SCFD2: variants seen among roughly 807,000 people sequenced by gnomAD.
SCFD2 encodes sec1 family domain-containing protein 2.
In SCFD2, 54 loss-of-function variants were observed where a neutral mutation model predicts 58.9. That is an observed-to-expected ratio of 0.92 (90% CI 0.74 to 1.15). The LOEUF (loss-of-function observed/expected upper bound fraction) is 1.15. Ranked by LOEUF, SCFD2 falls within the 50% of genes most tolerant of loss-of-function variation. The pLI is 0.00. For missense variants in SCFD2, 805 were observed against 836.6 expected, an observed-to-expected ratio of 0.96 and a Z score of 0.47; for synonymous variants, 321 against 335.9, an observed-to-expected ratio of 0.96 and a Z score of 0.49.
At chr4:53,285,820 TTTGCTACCAGAGAACA>T (rs1731647551) in intron 3 of SCFD2, among the ~76,000 whole-genome samples, 1 of 152,044 alleles carries the variant, frequency 6.6e-6, no homozygotes, top group South Asian at 2.1e-4. Flanking sequence ...ATCTGCAATC[TTTGCTACCAGAGAACA>T]TTGCAGTCCT....
intron 5 of SCFD2, among the ~76,000 whole-genome samples, chr4:53,025,583 A>G (rs17082290): frequency 0.013 from 2,008 of 152,224 alleles, 40 homozygotes; most frequent in African/African-American, 0.046. Flanking sequence ...TTTCACTCTT[A>G]TGCCATCTCA....
intron 4 of SCFD2, among the ~76,000 whole-genome samples, chr4:53,190,628 GTCTA>G (rs1424908837): frequency 1.3e-5 from 2 of 151,796 alleles, no homozygotes; most frequent in South Asian, 2.1e-4. Context: ...TTTCTTCATC[GTCTA>G]TCTGTCTTCC....
intron 5 of SCFD2, among the ~76,000 whole-genome samples, chr4:53,088,756 A>G (rs1724384460): frequency 6.6e-6 from 1 of 152,134 alleles, no homozygotes; most frequent in Admixed American, 6.6e-5. Context: ...TGATGCTGGA[A>G]TGAATCAAGA....
intron 2 of SCFD2, among the ~76,000 whole-genome samples, chr4:53,320,916 C>T (rs1297288126): frequency 1.3e-5 from 2 of 152,034 alleles, no homozygotes; most frequent in African/African-American, 4.8e-5. Context: ...ATTGTAGCTA[C>T]CAGAATACAA....
chr4:53,163,498 C>T (rs1726916579), intron 4 of SCFD2, among the ~76,000 whole-genome samples: 1 of 152,072 alleles, frequency 6.6e-6, no homozygotes, highest in South Asian at 2.1e-4. Flanking sequence ...CCGAGGTGGG[C>T]AGATCACTTG....
intron 5 of SCFD2, among the ~76,000 whole-genome samples, chr4:53,101,180 G>T (rs1560335917): frequency 6.6e-6 from 1 of 152,096 alleles, no homozygotes; most frequent in Non-Finnish European, 1.5e-5. Context: ...AGAAACTCAG[G>T]ACCAGTGGCT....
At chr4:53,080,976 T>C (rs1724130604) in intron 5 of SCFD2, among the ~76,000 whole-genome samples, 1 of 152,198 alleles carries the variant, frequency 6.6e-6, no homozygotes, top group African/African-American at 2.4e-5. Flanking sequence ...TTGTACATCT[T>C]AAAGTAGATG....
At chr4:53,180,639 A>G (rs2148947492) in intron 4 of SCFD2, among the ~76,000 whole-genome samples, 1 of 152,354 alleles carries the variant, frequency 6.6e-6, no homozygotes, top group South Asian at 2.1e-4. Context: ...GAAGGCGAGA[A>G]ATAACTAAGA....
intron 4 of SCFD2, among the ~76,000 whole-genome samples, chr4:53,268,328 G>T (rs1417407149): frequency 6.6e-6 from 1 of 152,110 alleles, no homozygotes; most frequent in African/African-American, 2.4e-5. Flanking sequence ...AGATAAGGAT[G>T]GTGTCCATAC....
intron 5 of SCFD2, among the ~76,000 whole-genome samples, chr4:52,988,144 C>A: frequency 6.6e-6 from 1 of 152,128 alleles, no homozygotes; most frequent in Non-Finnish European, 1.5e-5. Context: ...AGAGAAGGAG[C>A]CAGACACACC....
rs80003216 is a variant in SCFD2, at chr4:53,289,942, A to G, written c.1136-15941T>C. On this transcript the variant is annotated intron_variant, in intron 3 of 8. Coordinates refer to ENST00000401642, the MANE Select transcript of SCFD2 (RefSeq NM_152540.4). Reference sequence around the variant, plus strand: ...CATCAAGAGGACATAACAATTATAAATATATACGCACCCAACATTGGAGCA... The same window carrying G: ...CATCAAGAGGACATAACAATTATAAGTATATACGCACCCAACATTGGAGCA... 4.5e-3 allele frequency among the ~76,000 whole-genome samples: 682 copies of G among 152,364 alleles called. 3 individuals are homozygous for G. The highest frequency in any genetic ancestry group is 7.1e-3 in the Non-Finnish European group (486 of 68,026).
intron 7 of SCFD2, among the ~76,000 whole-genome samples, chr4:52,888,094 T>A (rs1245192260): frequency 3.3e-5 from 5 of 151,840 alleles, no homozygotes; most frequent in Non-Finnish European, 5.9e-5. Flanking sequence ...GTATTTTTAG[T>A]AGAGACGGGG....
intron 4 of SCFD2, among the ~76,000 whole-genome samples, chr4:53,269,257 C>T (rs1316096876): frequency 1.3e-5 from 2 of 151,956 alleles, no homozygotes; most frequent in South Asian, 2.1e-4. Flanking sequence ...CCCGGGATGT[C>T]GAGGCTACAC....
In SCFD2 at chr4:52,881,694, G is replaced by C. The variant is rs183411992; in HGVS notation, c.1962+4053C>G. On this transcript the variant is annotated intron_variant, in intron 8 of 8. Transcript: ENST00000401642. ...GGGAAGATTTGGAATAATAGCAATA[G>C]ATACAAAAGACAAAGTGGTTTTAAT... 7.8e-4 allele frequency among the ~76,000 whole-genome samples: 119 copies of C among 152,308 alleles called. 3 individuals are homozygous for C. Among genetic ancestry groups the C allele is most frequent in the Admixed American group, 7.5e-3 (114 of 15,302 alleles).
chr4:53,018,935 C>G (rs1722279818), intron 5 of SCFD2, among the ~76,000 whole-genome samples: 1 of 152,104 alleles, frequency 6.6e-6, no homozygotes, highest in Admixed American at 6.6e-5. Context: ...GCCCGTAAAG[C>G]TATAGAGGCC....
intron 6 of SCFD2, among the ~76,000 whole-genome samples, chr4:52,914,763 C>T (rs892039328): frequency 6.6e-6 from 1 of 152,006 alleles, no homozygotes; most frequent in Non-Finnish European, 1.5e-5. Flanking sequence ...TTTATTTTTA[C>T]ACCAGTGCAA....
intron 2 of SCFD2, among the ~76,000 whole-genome samples, chr4:53,324,572 G>C (rs1733123768): frequency 6.6e-6 from 1 of 152,210 alleles, no homozygotes; most frequent in Non-Finnish European, 1.5e-5. Context: ...TGGTCAAGAG[G>C]CAGAGGGAAC....
chr4:52,889,480 G>A (rs1718831344), intron 7 of SCFD2, among the ~76,000 whole-genome samples: 1 of 152,154 alleles, frequency 6.6e-6, no homozygotes, highest in Admixed American at 6.5e-5. Context: ...TAGCTCTTAG[G>A]ATAAAGTTCG....
At chr4:53,072,345 C>A (rs548550403) in intron 5 of SCFD2, among the ~76,000 whole-genome samples, 1 of 152,176 alleles carries the variant, frequency 6.6e-6, no homozygotes, top group South Asian at 2.1e-4. Flanking sequence ...CAAATTATTT[C>A]TTTTTTAACA....
Sources: gnomAD v4.1 joint callset for allele counts (sites outside exome capture counted in the v4.1 genomes callset) on GRCh38, gnomAD v4.1.1 for gene constraint, MANE v1.5 for transcripts, NCBI Gene and HGNC (gene_info 2026-07-23, HGNC 2026-07-21) for gene names.